Variants in RAD51B observed in about 807,000 individuals in gnomAD.
The protein encoded by RAD51B is DNA repair protein RAD51 homolog 2.
In RAD51B, 38 loss-of-function variants were observed where a neutral mutation model predicts 42.2. That is an observed-to-expected ratio of 0.90 (90% confidence interval 0.70 to 1.18). RAD51B has a LOEUF of 1.18. RAD51B is among the 50% of genes most tolerant of loss of function. RAD51B has a pLI of 0.00. For synonymous variants in RAD51B, 154 were observed against 145.2 expected, an observed-to-expected ratio of 1.06 and a Z score of -0.43; for missense variants, 373 against 400.7, an observed-to-expected ratio of 0.93 and a Z score of 0.59.
At chr14:68,086,980 A>G (rs777637103) in intron 7 of RAD51B, among the ~76,000 whole-genome samples, 2 of 152,012 alleles carry the variant, frequency 1.3e-5, no homozygotes, top group Admixed American at 6.6e-5. Flanking sequence ...TACTAAAAAT[A>G]CAAAATTAGC....
intron 8 of RAD51B, among the ~76,000 whole-genome samples, chr14:68,349,957 G>C (rs1468447150): frequency 6.6e-6 from 1 of 152,188 alleles, no homozygotes; most frequent in Non-Finnish European, 1.5e-5. Context: ...GCAGTTCAAA[G>C]TGTAGTCAGC....
At chr14:67,985,344 A>G (rs945456616) in intron 7 of RAD51B, among the ~76,000 whole-genome samples, 2 of 152,206 alleles carry the variant, frequency 1.3e-5, no homozygotes, top group African/African-American at 4.8e-5. Flanking sequence ...ACATTCCATT[A>G]TAAGATGTTA....
At chr14:68,246,735 T>C (rs1482543672) in intron 7 of RAD51B, among the ~76,000 whole-genome samples, 1 of 152,196 alleles carries the variant, frequency 6.6e-6, no homozygotes, top group Non-Finnish European at 1.5e-5. Flanking sequence ...GAAATCTGGA[T>C]AAATAGAGTT....
intron 7 of RAD51B, among the ~76,000 whole-genome samples, chr14:67,959,866 G>A (rs1005067727): frequency 1.3e-5 from 2 of 152,058 alleles, no homozygotes; most frequent in African/African-American, 4.8e-5. Flanking sequence ...GATCACTTGC[G>A]GTCAGGAGTT....
At chr14:68,640,482 G>A (rs752337877) in intron 10 of RAD51B, among the ~76,000 whole-genome samples, 1 of 152,174 alleles carries the variant, frequency 6.6e-6, no homozygotes, top group Non-Finnish European at 1.5e-5. Flanking sequence ...AACATTTATT[G>A]TATATCTACT....
At chr14:67,999,880 T>C (rs866775459) in intron 7 of RAD51B, among the ~76,000 whole-genome samples, 1 of 152,262 alleles carries the variant, frequency 6.6e-6, no homozygotes. Context: ...AAGGACATTC[T>C]ACTTTTAAGG....
chr14:68,302,205 C>T (rs1489633156), intron 8 of RAD51B, among the ~76,000 whole-genome samples: 1 of 152,102 alleles, frequency 6.6e-6, no homozygotes, highest in Non-Finnish European at 1.5e-5. Context: ...TAGACAGGTG[C>T]TTGGGACACA....
At chr14:68,133,515 A>T (rs2077942985) in intron 7 of RAD51B, among the ~76,000 whole-genome samples, 2 of 152,310 alleles carry the variant, frequency 1.3e-5, no homozygotes, top group Admixed American at 6.5e-5. Context: ...TGTGTTGCCC[A>T]GGCTGGAGTG....
intron 9 of RAD51B, among the ~76,000 whole-genome samples, chr14:68,428,753 A>G (rs1385580436): frequency 2.5e-5 from 1 of 39,574 alleles, no homozygotes; most frequent in Non-Finnish European, 6.0e-5. Context: ...ATATATATAT[A>G]TATATATATA....
intron 8 of RAD51B, among the ~76,000 whole-genome samples, chr14:68,366,350 G>T (rs148072726): frequency 1.3e-5 from 2 of 152,172 alleles, no homozygotes; most frequent in African/African-American, 4.8e-5. Flanking sequence ...TGTACCAGTC[G>T]TAGCTAAAGC....
At chr14:68,532,645 T>C (rs1243549400) in intron 10 of RAD51B, among the ~76,000 whole-genome samples, 2 of 152,206 alleles carry the variant, frequency 1.3e-5, no homozygotes, top group African/African-American at 4.8e-5. Context: ...TCTGGGATGT[T>C]TGGCCAACCT....
chr14:68,193,106 C>T (rs1249551937), intron 7 of RAD51B, among the ~76,000 whole-genome samples: 14 of 152,128 alleles, frequency 9.2e-5, no homozygotes, highest in Non-Finnish European at 5.9e-5. Flanking sequence ...GTGACCCCTC[C>T]AGCCACACAG....
At chr14:68,557,544 C>T (rs55982127) in intron 10 of RAD51B, among the ~76,000 whole-genome samples, 6,522 of 152,288 alleles carry the variant, frequency 0.043, 169 homozygotes, top group African/African-American at 0.067. Context: ...CTTTAATCCA[C>T]ATAGACTTAC....
At chr14:68,600,331 G>A (rs1891166860), downstream of RAD51B, among the ~76,000 whole-genome samples, 2 of 152,208 alleles carry the variant, frequency 1.3e-5, no homozygotes, top group Admixed American at 1.3e-4. Flanking sequence ...GAGATTTAGG[G>A]CCTAATTAAA....
At chr14:68,365,027 T>A (rs2083112761) in intron 8 of RAD51B, among the ~76,000 whole-genome samples, 1 of 152,078 alleles carries the variant, frequency 6.6e-6, no homozygotes, top group Non-Finnish European at 1.5e-5. Flanking sequence ...GGAGTGAAGG[T>A]TAGCGTGGCA....
At chr14:68,300,906 G>A (rs1490293396) in intron 8 of RAD51B, among the ~76,000 whole-genome samples, 3 of 152,194 alleles carry the variant, frequency 2.0e-5, no homozygotes, top group Non-Finnish European at 2.9e-5. Flanking sequence ...GAGGGCAGCT[G>A]GATAACTAAA....
intron 7 of RAD51B, among the ~76,000 whole-genome samples, chr14:67,923,068 T>C (rs987258652): frequency 6.6e-6 from 1 of 152,174 alleles, no homozygotes; most frequent in Admixed American, 6.5e-5. Flanking sequence ...ATCATTCTTA[T>C]GCCTCTGAGT....
rs1198354514 is a variant in RAD51B, at chr14:68,157,231, G to A, written c.757-134653G>A. Reference sequence around the variant, plus strand: ...ATAAGCAAAAGGGACTTACTTTGGGGATTTGGAGAACTAGAAAATATTATT... The same window carrying A: ...ATAAGCAAAAGGGACTTACTTTGGGAATTTGGAGAACTAGAAAATATTATT... On this transcript the variant is annotated intron_variant, in intron 7 of 10. Transcript: ENST00000471583. Among the ~76,000 whole-genome samples, 3 of 152,190 alleles carry A rather than the reference G, an allele frequency of 2.0e-5. No individual in the cohort carries two copies. The Middle Eastern group carries it at 0.01, about 518-fold the overall frequency.
At chr14:68,163,555 T>C (rs576527609) in intron 7 of RAD51B, among the ~76,000 whole-genome samples, 1 of 152,326 alleles carries the variant, frequency 6.6e-6, no homozygotes, top group African/African-American at 2.4e-5. Flanking sequence ...TTTTTCTATT[T>C]CTTCTATTTT....
Sources: allele counts gnomAD v4.1 joint callset (sites outside exome capture counted in the v4.1 genomes callset), GRCh38; gene constraint gnomAD v4.1.1; transcripts MANE v1.5; gene names NCBI Gene and HGNC (gene_info 2026-07-23, HGNC 2026-07-21).